Variants in MICU1 observed in about 807,000 individuals in gnomAD.
MICU1 encodes mitochondrial calcium uptake 1, also known as calcium uptake protein 1, mitochondrial.
A neutral mutation model predicts 56.8 loss-of-function variants in MICU1; 45 were observed. The observed-to-expected ratio is 0.79, with a 90% CI of 0.62 to 1.02. MICU1 has a LOEUF of 1.02. Among genes scored for constraint, MICU1 ranks in the 50% least tolerant of loss-of-function variants. The pLI, the probability that MICU1 is intolerant of heterozygous loss-of-function variation, is 0.00. For synonymous variants in MICU1, 186 were observed against 195.1 expected (o/e 0.95, Z 0.39); for missense variants, 504 against 587.1 (o/e 0.86, Z 1.46).
intron 5 of MICU1, among the ~76,000 whole-genome samples, chr10:72,523,452 T>C (rs1225699550): frequency 6.6e-6 from 1 of 152,168 alleles, no homozygotes; most frequent in Admixed American, 6.6e-5. Flanking sequence ...GACAAAGGTA[T>C]TTAGGAAGAT....
intron 5 of MICU1, among the ~76,000 whole-genome samples, chr10:72,529,518 T>C (rs1203265491): frequency 6.6e-6 from 1 of 152,184 alleles, no homozygotes; most frequent in Non-Finnish European, 1.5e-5. Context: ...ATTTCATCTA[T>C]ACCAAGAAAT....
At chr10:72,541,240 C>A (rs1226102668) in intron 4 of MICU1, among the ~76,000 whole-genome samples, 2 of 152,192 alleles carry the variant, frequency 1.3e-5, no homozygotes, top group Non-Finnish European at 2.9e-5. Flanking sequence ...ACTCCTTGCT[C>A]AGCGACCAAA....
chr10:72,489,319 CACACAA>C lies in MICU1; in HGVS notation c.653-12069_653-12064del, dbSNP rs1276935535. On this transcript the variant is annotated intron_variant, in intron 6 of 11. Transcript: ENST00000361114. ...ACACACACACACACACACACACACA[CACACAA>C]AAATAAAAAAAAAAGGAACTAACTT... is the stretch of plus-strand genomic sequence containing the variant. Among the ~76,000 whole-genome samples, 897 of 139,582 alleles carry C rather than the reference CACACAA, an allele frequency of 6.4e-3. 16 individuals carry two copies. The highest frequency in any genetic ancestry group is 0.028 in the African/African-American group (846 of 30,378). The allele number at this position is 139,582 out of a possible 152,430, so 91.6% of individuals were successfully genotyped here.
intron 9 of MICU1, among the ~76,000 whole-genome samples, chr10:72,422,151 G>C (rs1482440956): frequency 6.6e-6 from 1 of 152,182 alleles, no homozygotes; most frequent in African/African-American, 2.4e-5. Context: ...GGTCACAAGG[G>C]TGGGGCCCTA....
At chr10:72,514,650 C>T (rs918341018) in intron 5 of MICU1, among the ~76,000 whole-genome samples, 25 of 152,186 alleles carry the variant, frequency 1.6e-4, no homozygotes, top group Non-Finnish European at 2.6e-4. Context: ...GGTAAAAATA[C>T]TCTCCGGATC....
chr10:72,375,693 C>T, intron 11 of MICU1, 90 bp downstream of exon 11: 2 of 1,211,486 alleles, frequency 1.7e-6, no homozygotes, highest in East Asian at 2.6e-5. Flanking sequence ...GGCTGGTACA[C>T]AGATGCTGTC....
At chr10:72,531,351 T>A (rs1006786854) in intron 5 of MICU1, 1 of 152,156 alleles carries the variant, frequency 6.6e-6, no homozygotes, top group African/African-American at 2.4e-5. Flanking sequence ...AACAGAAAAT[T>A]GTCTTAGAAT....
At chr10:72,566,827 C>A in intron 1 of MICU1, 33 bp from the exon 2 acceptor site, 1 of 1,567,308 alleles carries the variant, frequency 6.4e-7, no homozygotes, top group East Asian at 2.3e-5. Flanking sequence ...TCACTCTTAG[C>A]TAGTGGTAGT....
chr10:72,587,219 T>C (rs762270720), intron 1 of MICU1, among the ~76,000 whole-genome samples: 131 of 152,162 alleles, frequency 8.6e-4, no homozygotes, highest in Non-Finnish European at 1.6e-3. Flanking sequence ...GTGTCTATAA[T>C]CCCAGTGCCT....
rs369179052 is a variant in MICU1 at position 72,392,515 on chromosome 10, G to A, written c.1180+15414C>T. On this transcript the variant is annotated intron_variant, in intron 10 of 11. Coordinates refer to ENST00000361114, the MANE Select transcript of MICU1 (RefSeq NM_001195518.2). ...GACCCTGGGAAGCAGAGGTTGCGGT[G>A]AGCCAAGATTGTACCACTGCACTCC... Among the ~76,000 whole-genome samples the A allele has an allele frequency of 5.8e-4, 88 of 152,244 alleles. No homozygotes were observed. The East Asian group carries it at 7.5e-3, about 13-fold the overall frequency.
intron 10 of MICU1, chr10:72,379,391 C>T (rs1242717765): frequency 2.1e-5 from 4 of 190,432 alleles, no homozygotes; most frequent in Non-Finnish European, 4.6e-5. Context: ...AGAAGGGGAT[C>T]GGAACCTGTT....
intron 5 of MICU1, among the ~76,000 whole-genome samples, chr10:72,525,384 A>T (rs1867933582): frequency 6.6e-6 from 1 of 152,226 alleles, no homozygotes; most frequent in Admixed American, 6.5e-5. Context: ...AATGGATGCT[A>T]TTAACAATTC....
chr10:72,495,199 G>A (rs1447068142), intron 6 of MICU1, among the ~76,000 whole-genome samples: 1 of 147,446 alleles, frequency 6.8e-6, no homozygotes, highest in African/African-American at 2.5e-5. Context: ...TTACATGTCT[G>A]CATAATAGAC....
intron 9 of MICU1, among the ~76,000 whole-genome samples, chr10:72,417,123 A>G (rs1004654410): frequency 6.6e-6 from 1 of 152,226 alleles, no homozygotes; most frequent in East Asian, 1.9e-4. Context: ...TTGCATACAT[A>G]TTTTTCTCTT....
chr10:72,599,688 TCTTCCTTCCTTA>T (rs982489232), intron 1 of MICU1, among the ~76,000 whole-genome samples: 1 of 152,144 alleles, frequency 6.6e-6, no homozygotes, highest in African/African-American at 2.4e-5. Flanking sequence ...CTCCCTTCTT[TCTTCCTTCCTTA>T]CTTCCTGCCT....
At chr10:72,434,221 A>G (rs1864636321) in intron 8 of MICU1, among the ~76,000 whole-genome samples, 2 of 152,190 alleles carry the variant, frequency 1.3e-5, no homozygotes, top group Admixed American at 6.5e-5. Context: ...TCTAACATTT[A>G]TAACGGCAAA....
At chr10:72,540,058 A>G (rs1007681269) in intron 4 of MICU1, among the ~76,000 whole-genome samples, 1 of 152,172 alleles carries the variant, frequency 6.6e-6, no homozygotes, top group Admixed American at 6.5e-5. Flanking sequence ...ACCTGAGGTC[A>G]GGAGTTCAAG....
chr10:72,399,033 G>GA (rs1281055154), intron 10 of MICU1, among the ~76,000 whole-genome samples: 1 of 152,112 alleles, frequency 6.6e-6, no homozygotes, highest in East Asian at 1.9e-4. Flanking sequence ...ACATCAATGG[G>GA]AAAATCCTCA....
At chr10:72,533,552 T>C (rs1003657295) in intron 5 of MICU1, among the ~76,000 whole-genome samples, 194 bp downstream of exon 5, 4 of 152,198 alleles carry the variant, frequency 2.6e-5, no homozygotes, top group African/African-American at 9.6e-5. Flanking sequence ...GAGAGTTACC[T>C]TACATGGAAA....
Sources: allele counts gnomAD v4.1 joint callset (sites outside exome capture counted in the v4.1 genomes callset), GRCh38; gene constraint gnomAD v4.1.1; transcripts MANE v1.5; gene names NCBI Gene and HGNC (gene_info 2026-07-23, HGNC 2026-07-21).